The following CDC42BPB variants were observed in gnomAD, a reference collection of about 807,000 sequenced individuals.
CDC42BPB encodes CDC42 binding protein kinase beta.
In CDC42BPB, 37 loss-of-function variants were observed where a neutral mutation model predicts 214.9. The observed-to-expected ratio is 0.17, with a 90% CI of 0.13 to 0.23. The LOEUF (loss-of-function observed/expected upper bound fraction) is 0.23. Ranked by LOEUF, CDC42BPB falls within the 10% of genes least tolerant of loss-of-function variation. The pLI is 1.00. For missense variants in CDC42BPB, 1,694 were observed against 2,227.0 expected, an observed-to-expected ratio of 0.76 and a Z score of 4.82; for synonymous variants, 931 against 884.0, an observed-to-expected ratio of 1.05 and a Z score of -0.94.
At chr14:102,977,824 G>C (rs34284171) in intron 9 of CDC42BPB, among the ~76,000 whole-genome samples, 9,949 of 152,268 alleles carry the variant, frequency 0.065, 736 homozygotes, top group African/African-American at 0.18. Context: ...TCACGAGCAT[G>C]AATGGTTTTA....
At chr14:103,010,538 C>T (rs530931564) in intron 2 of CDC42BPB, among the ~76,000 whole-genome samples, 1 of 152,336 alleles carries the variant, frequency 6.6e-6, no homozygotes, top group South Asian at 2.1e-4. Context: ...GGAAAATGCA[C>T]GCCCTGCACA....
intron 21 of CDC42BPB, among the ~76,000 whole-genome samples, chr14:102,958,940 T>C (rs922384027): frequency 6.6e-6 from 1 of 151,820 alleles, no homozygotes; most frequent in Non-Finnish European, 1.5e-5. Flanking sequence ...CCCAAAGTGC[T>C]GGGATTACAG....
At position 103,055,187 on chromosome 14, in the gene CDC42BPB, C is replaced by T. The variant is rs1368335540; in HGVS notation, c.175+1812G>A. On this transcript the variant is annotated intron_variant, in intron 1 of 36. Coordinates refer to ENST00000361246, the MANE Select transcript of CDC42BPB (RefSeq NM_006035.4). ...CCTGTAATCCCAGCACTTTGGGAGG[C>T]CGAGGCAGGTGGATCACCCGAGGTC... Among the ~76,000 whole-genome samples the T allele has an allele frequency of 2.6e-5, 4 of 152,320 alleles. No homozygotes were observed. The South Asian group carries it at 6.2e-4, about 24-fold the overall frequency.
chr14:103,016,281 G>A (rs1886454958), intron 1 of CDC42BPB, among the ~76,000 whole-genome samples: 1 of 152,244 alleles, frequency 6.6e-6, no homozygotes, highest in Non-Finnish European at 1.5e-5. Context: ...TTCGCTGCCA[G>A]GATGGTACTG....
intron 1 of CDC42BPB, among the ~76,000 whole-genome samples, chr14:103,037,487 C>A (rs1178256208): frequency 1.3e-5 from 2 of 151,830 alleles, no homozygotes; most frequent in African/African-American, 2.4e-5. Context: ...AGAATCGGGG[C>A]CTTGCTATGT....
chr14:103,042,659 C>G lies in CDC42BPB; in HGVS notation c.175+14340G>C, dbSNP rs28835963. Reference sequence around the variant, plus strand: ...GTAAAGAACTTGAATAGACATTTATCCAAAGAAGATATACAAATGTCTAAT... The same window carrying G: ...GTAAAGAACTTGAATAGACATTTATGCAAAGAAGATATACAAATGTCTAAT... On this transcript the variant is annotated intron_variant, in intron 1 of 36. Coordinates refer to ENST00000361246, the MANE Select transcript of CDC42BPB (RefSeq NM_006035.4). 8.2e-3 allele frequency among the ~76,000 whole-genome samples: 1,254 copies of G among 152,198 alleles called. 23 individuals are homozygous for G. The highest frequency in any genetic ancestry group is 0.028 in the African/African-American group (1,151 of 41,534).
At chr14:102,957,885 C>A (rs1892781456) in intron 21 of CDC42BPB, among the ~76,000 whole-genome samples, 1 of 152,238 alleles carries the variant, frequency 6.6e-6, no homozygotes. Context: ...CCTGGGCAGG[C>A]CGGCCTCTGT....
chr14:102,957,423 G>A (rs542441162), intron 21 of CDC42BPB, among the ~76,000 whole-genome samples: 3 of 152,044 alleles, frequency 2.0e-5, no homozygotes, highest in African/African-American at 4.8e-5. Context: ...TTTCCTGGCC[G>A]CCTCCATTCA....
intron 19 of CDC42BPB, 68 bp downstream of exon 19, chr14:102,964,434 G>A: frequency 2.6e-6 from 4 of 1,559,238 alleles, no homozygotes; most frequent in South Asian, 1.1e-5. Flanking sequence ...GAGCCCGTGA[G>A]GCTCAGGGCG....
chr14:103,041,502 C>T, intron 1 of CDC42BPB: 1 of 1,383,506 alleles, frequency 7.2e-7, no homozygotes, highest in Non-Finnish European at 1.0e-6. Flanking sequence ...GGAAGCCCCA[C>T]TTCCACAAGG....
chr14:103,004,206 C>T lies in CDC42BPB; in HGVS notation c.352-183G>A, dbSNP rs35339295. On this transcript the variant is annotated intron_variant, in intron 3 of 36. Coordinates refer to ENST00000361246, the MANE Select transcript of CDC42BPB (RefSeq NM_006035.4). The surrounding 1 kb of genome is among the most constrained non-coding windows in gnomAD (Gnocchi z 5.3). Reference sequence around the variant, plus strand: ...AGCCATCCCTCATCCCTTCCTCTCCCAAGCCCCGTGCAAGTGCCAAGGGCT... The same window carrying T: ...AGCCATCCCTCATCCCTTCCTCTCCTAAGCCCCGTGCAAGTGCCAAGGGCT... 2.2e-3 allele frequency: 2,993 copies of T among 1,339,112 alleles called. 52 individuals carry two copies. The African/African-American group carries it at 0.04, about 18-fold the overall frequency. The allele number at this position is 1,339,112 out of a possible 1,614,324, so 83.0% of individuals were successfully genotyped here. A position where few individuals can be genotyped will look rare whatever the true frequency, so the allele number is the denominator to read the frequency against.
chr14:102,993,879 T>C (rs779698824), intron 5 of CDC42BPB, among the ~76,000 whole-genome samples: 1 of 152,234 alleles, frequency 6.6e-6, no homozygotes, highest in Non-Finnish European at 1.5e-5. Flanking sequence ...TTATTTAGAC[T>C]GGAACAAACT....
chr14:102,975,200 C>T (rs1346853042), intron 11 of CDC42BPB, among the ~76,000 whole-genome samples: 1 of 152,174 alleles, frequency 6.6e-6, no homozygotes, highest in Admixed American at 6.5e-5. Context: ...CTGATTCTAG[C>T]TGGTGACTAT....
In CDC42BPB at chr14:103,003,872, T is replaced by C; in HGVS notation, c.447+56A>G. On this transcript the variant is annotated intron_variant, in intron 4 of 36. Transcript: ENST00000361246. ...TCTGACTGAATTTTTAGTGACAGCATAAAGGAATAAAGCCGGAGCGAATGC... is the reference window on the plus strand; with the variant it reads ...TCTGACTGAATTTTTAGTGACAGCACAAAGGAATAAAGCCGGAGCGAATGC... 4 of 1,399,328 alleles carry C rather than the reference T, an allele frequency of 2.9e-6. No individual in the cohort carries two copies. The South Asian group carries it at 4.8e-5, about 17-fold the overall frequency. 86.7% of individuals were successfully genotyped at this position (1,399,328 alleles called of 1,614,324 possible).
At chr14:103,003,034 G>A (rs2269325) in intron 4 of CDC42BPB, among the ~76,000 whole-genome samples, 36,103 of 152,028 alleles carry the variant, frequency 0.24, 5,376 homozygotes, top group Non-Finnish European at 0.33. Context: ...AGCTTCAGGT[G>A]GACACGCACG....
At chr14:103,013,302 C>T (rs1886261410) in intron 1 of CDC42BPB, among the ~76,000 whole-genome samples, 1 of 152,212 alleles carries the variant, frequency 6.6e-6, no homozygotes, top group African/African-American at 2.4e-5. Context: ...CCATGGCGGT[C>T]CCGAATAGGT....
chr14:102,981,040 A>G lies in CDC42BPB; in HGVS notation c.892-19T>C, dbSNP rs774967553. On this transcript the variant is annotated intron_variant, in intron 7 of 36. Transcript: ENST00000361246. ...ATCGCTCCTGCAAGGGGTGGCAAAA[A>G]CACCGGTGGACAGGTGGACGCATTC... is the stretch of plus-strand genomic sequence containing the variant. 123 of 1,613,596 alleles carry G rather than the reference A, an allele frequency of 7.6e-5. No homozygotes were observed. Among genetic ancestry groups the G allele is most frequent in the Non-Finnish European group, 1.0e-4 (121 of 1,179,804 alleles).
In CDC42BPB at chr14:102,960,334, T is replaced by C. The variant is rs114253863; in HGVS notation, c.2822-624A>G. Among the ~76,000 whole-genome samples the C allele has an allele frequency of 2.8e-3, 422 of 151,946 alleles. 1 individual carries two copies. Among genetic ancestry groups the C allele is most frequent in the African/African-American group, 9.7e-3 (403 of 41,432 alleles). Reference sequence around the variant, plus strand: ...ACTAAGGCCTCTACAATAAGAATCATGGCCAGGCACAGTGGTTCACACCTG... The same window carrying C: ...ACTAAGGCCTCTACAATAAGAATCACGGCCAGGCACAGTGGTTCACACCTG... On this transcript the variant is annotated intron_variant, in intron 20 of 36. Coordinates refer to ENST00000361246, the MANE Select transcript of CDC42BPB (RefSeq NM_006035.4).
intron 1 of CDC42BPB, among the ~76,000 whole-genome samples, chr14:103,027,294 T>C (rs1157039621): frequency 1.3e-5 from 2 of 152,188 alleles, no homozygotes; most frequent in Admixed American, 1.3e-4. Flanking sequence ...AGTTACTACA[T>C]GACCCGTCAT....
Sources: allele counts gnomAD v4.1 joint callset (sites outside exome capture counted in the v4.1 genomes callset), GRCh38; gene constraint gnomAD v4.1.1; non-coding constraint Gnocchi (gnomAD v3.1); transcripts MANE v1.5; gene names NCBI Gene and HGNC (gene_info 2026-07-23, HGNC 2026-07-21).